The following ANXA2 variants were observed in gnomAD, a reference collection of about 807,000 sequenced individuals.
ANXA2 encodes the protein annexin II.
ANXA2 carries 28 observed loss-of-function variants against 47.3 expected under a neutral mutation model. The observed-to-expected ratio is 0.59, with a 90% CI of 0.44 to 0.81. The LOEUF (loss-of-function observed/expected upper bound fraction) is 0.81, where lower values mean the gene tolerates loss of function less well. Ranked by LOEUF, ANXA2 falls within the 40% of genes least tolerant of loss-of-function variation. The pLI is 0.00. For synonymous variants in ANXA2, 172 were observed against 155.5 expected (o/e 1.11, Z -0.79); for missense variants, 384 against 414.3 (o/e 0.93, Z 0.64).
chr15:60,350,869 G>A (rs11854079), intron 11 of ANXA2, among the ~76,000 whole-genome samples: 119,335 of 152,196 alleles, frequency 0.78, 47,151 homozygotes, highest in African/African-American at 0.86. Context: ...TCCCTTCCTC[G>A]CTTGTCTTGA....
intron 2 of ANXA2, 55 bp from the exon 3 acceptor site, chr15:60,382,496 GAAATAACAATGCCT>G: frequency 1.6e-6 from 2 of 1,259,304 alleles, no homozygotes; most frequent in South Asian, 1.2e-5. Context: ...TCCTCTTGTT[GAAATAACAATGCCT>G]AATATGTTTT....
intron 3 of ANXA2, among the ~76,000 whole-genome samples, chr15:60,373,053 G>A (rs12913703): frequency 1.1e-3 from 165 of 152,202 alleles, no homozygotes; most frequent in South Asian, 2.3e-3. Flanking sequence ...TGCATTAAAA[G>A]TTTAGTATAT....
chr15:60,394,035 T>A (rs1595713828), intron 1 of ANXA2, among the ~76,000 whole-genome samples: 1 of 152,324 alleles, frequency 6.6e-6, no homozygotes, highest in Middle Eastern at 3.4e-3. Flanking sequence ...CACCAACTTC[T>A]GCAAATCTTA....
intron 4 of ANXA2, chr15:60,361,627 C>T (rs1260374308): frequency 2.0e-5 from 3 of 152,732 alleles, no homozygotes; most frequent in African/African-American, 7.2e-5. Flanking sequence ...GAAAATATCT[C>T]CTTGTCCACA....
chr15:60,396,652 G>C (rs529548294), intron 1 of ANXA2, among the ~76,000 whole-genome samples: 6 of 152,336 alleles, frequency 3.9e-5, no homozygotes, highest in African/African-American at 1.4e-4. Context: ...TTCAGGGCTA[G>C]CCTGGGAACG....
chr15:60,354,263 A>C lies in ANXA2; in HGVS notation c.529-50T>G, dbSNP rs750227814. ...CAAATACATTTCTTTGTGTATTTTA[A>C]AACTGAAAATGTTTTCTCCCCAGTC... On this transcript the variant is annotated intron_variant, in intron 7 of 12. Coordinates refer to ENST00000451270, the MANE Select transcript of ANXA2 (RefSeq NM_004039.3). The C allele has an allele frequency of 4.8e-6, 7 of 1,472,592 alleles. No homozygotes were observed. The African/African-American group carries it at 8.5e-5, about 18-fold the overall frequency. The allele number at this position is 1,472,592 out of a possible 1,614,324, so 91.2% of individuals were successfully genotyped here.
At chr15:60,366,432 G>A (rs1027469796) in intron 3 of ANXA2, among the ~76,000 whole-genome samples, 1 of 150,790 alleles carries the variant, frequency 6.6e-6, no homozygotes, top group Non-Finnish European at 1.5e-5. Flanking sequence ...CATCGTCTGA[G>A]ATGTGGGGAG....
chr15:60,353,512 T>A (rs951446240), intron 8 of ANXA2, among the ~76,000 whole-genome samples: 3 of 152,214 alleles, frequency 2.0e-5, no homozygotes, highest in African/African-American at 7.2e-5. Context: ...GAGTCACGTA[T>A]TGATTCTGTA....
chr15:60,388,680 C>A (rs1333826116), intron 1 of ANXA2, among the ~76,000 whole-genome samples: 1 of 150,494 alleles, frequency 6.6e-6, no homozygotes, highest in African/African-American at 2.4e-5. Flanking sequence ...AGCAATCCCT[C>A]CGCCTTAGCC....
intron 1 of ANXA2, among the ~76,000 whole-genome samples, chr15:60,391,708 T>C (rs2063013463): frequency 1.3e-5 from 2 of 152,316 alleles, no homozygotes; most frequent in South Asian, 4.1e-4. Flanking sequence ...AAAGCCTACA[T>C]GCTGTATGAG....
chr15:60,375,297 A>C (rs1462015424), intron 3 of ANXA2, among the ~76,000 whole-genome samples: 3 of 152,118 alleles, frequency 2.0e-5, no homozygotes, highest in Admixed American at 1.3e-4. Context: ...CTAAAATCAA[A>C]ACTGGCAATA....
intron 3 of ANXA2, among the ~76,000 whole-genome samples, chr15:60,372,578 G>A (rs1193159364): frequency 1.3e-5 from 2 of 152,066 alleles, no homozygotes; most frequent in South Asian, 2.1e-4. Context: ...TACACTCTGT[G>A]GGGTTACATG....
chr15:60,375,904 A>C (rs1331734596), intron 3 of ANXA2, among the ~76,000 whole-genome samples: 1 of 152,216 alleles, frequency 6.6e-6, no homozygotes, highest in Non-Finnish European at 1.5e-5. Flanking sequence ...GATGCTGTGC[A>C]CTGGCCCAGG....
chr15:60,363,056 A>AAAAAAAAAAAAAC (rs2062542068), intron 4 of ANXA2: 1 of 129,566 alleles, frequency 7.7e-6, no homozygotes, highest in Non-Finnish European at 1.6e-5. Context: ...AAAAAAAAAA[A>AAAAAAAAAAAAAC]AAGTTTCAGG....
At chr15:60,353,334 C>T (rs541576470) in intron 8 of ANXA2, among the ~76,000 whole-genome samples, 1 of 152,224 alleles carries the variant, frequency 6.6e-6, no homozygotes, top group East Asian at 1.9e-4. Context: ...TCTCTGCTGG[C>T]CTCCCTTTCT....
At chr15:60,357,313 T>C in intron 5 of ANXA2, 77 bp from the exon 6 acceptor site, 2 of 1,236,778 alleles carry the variant, frequency 1.6e-6, no homozygotes, top group Non-Finnish European at 2.4e-6. Flanking sequence ...CTCCATCAAG[T>C]AAATTGCAAA....
intron 3 of ANXA2, among the ~76,000 whole-genome samples, chr15:60,379,570 A>C (rs1213825372): frequency 6.6e-6 from 1 of 152,218 alleles, no homozygotes; most frequent in Non-Finnish European, 1.5e-5. Flanking sequence ...AGGTGTGTTC[A>C]AATCCCAGTT....
intron 3 of ANXA2, among the ~76,000 whole-genome samples, chr15:60,378,984 G>A (rs1260603420): frequency 1.4e-5 from 2 of 147,846 alleles, no homozygotes; most frequent in African/African-American, 5.0e-5. Context: ...ATATAAATAA[G>A]TAAATAAATA....
At chr15:60,357,373 T>A (rs2062447328) in intron 5 of ANXA2, 137 bp from the exon 6 acceptor site, 1 of 592,326 alleles carries the variant, frequency 1.7e-6, no homozygotes, top group African/African-American at 3.7e-5. Context: ...TTCTGAAGAA[T>A]CTATACTCCT....
Sources: gnomAD v4.1 joint callset for allele counts (sites outside exome capture counted in the v4.1 genomes callset) on GRCh38, gnomAD v4.1.1 for gene constraint, MANE v1.5 for transcripts, NCBI Gene and HGNC (gene_info 2026-07-23, HGNC 2026-07-21) for gene names.